Variants in CAPG observed in about 807,000 individuals in gnomAD.
The protein encoded by CAPG is macrophage-capping protein.
CAPG carries 32 observed loss-of-function variants against 44.6 expected under a neutral mutation model. The ratio of observed to expected loss-of-function variants is 0.72; its 90% confidence interval spans 0.54 to 0.96. The LOEUF (loss-of-function observed/expected upper bound fraction) is 0.96. Ranked by LOEUF, CAPG falls within the 50% of genes least tolerant of loss-of-function variation. The pLI is 0.00. For missense variants in CAPG, 412 were observed against 438.3 expected (o/e 0.94, Z 0.54); for synonymous variants, 175 against 179.6 (o/e 0.97, Z 0.20).
chr2:85,395,358 A>G lies in CAPG; in HGVS notation c.981+180T>C, dbSNP rs565071117. On this transcript the variant is annotated intron_variant, in intron 9 of 9. Coordinates refer to ENST00000263867, the MANE Select transcript of CAPG (RefSeq NM_001747.4). This position sits in a 1 kb window ranked among gnomAD's most constrained non-coding sequence, Gnocchi z 4.3. ...CTGCCCAACATCCTCTTTGAAAATA[A>G]TAAGTATTTTGACATTTTGAAGGAT... The G allele has an allele frequency of 7.8e-5, 48 of 615,640 alleles. No homozygotes were observed. The African/African-American group carries it at 7.9e-4, about 10-fold the overall frequency. The allele number at this position is 615,640 out of a possible 1,614,324, so 38.1% of individuals were successfully genotyped here. A position where few individuals can be genotyped will look rare whatever the true frequency, so the allele number is the denominator to read the frequency against.
intron 2 of CAPG, 80 bp from the exon 3 acceptor site, chr2:85,402,037 C>A: frequency 6.2e-7 from 1 of 1,610,956 alleles, no homozygotes; most frequent in Non-Finnish European, 8.5e-7. Context: ...CGACTGCAGT[C>A]TGGGGATGAG....
At chr2:85,412,086 T>C (rs1253652672), upstream of CAPG, among the ~76,000 whole-genome samples, 1 of 149,012 alleles carries the variant, frequency 6.7e-6, no homozygotes, top group Non-Finnish European at 1.5e-5. Flanking sequence ...CAATACTGGA[T>C]GAATGTTTCT....
At chr2:85,408,439 A>G (rs777667261) in intron 1 of CAPG, among the ~76,000 whole-genome samples, 6 of 151,660 alleles carry the variant, frequency 4.0e-5, no homozygotes, top group Non-Finnish European at 8.8e-5. Flanking sequence ...AACTTCCAGG[A>G]CATTAAGTGG....
intron 1 of CAPG, among the ~76,000 whole-genome samples, chr2:85,415,634 C>A (rs1443533012): frequency 6.6e-6 from 1 of 152,140 alleles, no homozygotes; most frequent in Non-Finnish European, 1.5e-5. Flanking sequence ...GCATAGCGCC[C>A]AGCAGGTAAT....
chr2:85,391,734 A>G (rs144303912), downstream of CAPG: 1 of 152,746 alleles, frequency 6.5e-6, no homozygotes, highest in African/African-American at 2.4e-5. Flanking sequence ...TTTTCAAATA[A>G]AAGAATTGTT....
exon 1 of CAPG, chr2:85,418,394 C>G (rs1214337779): frequency 6.6e-6 from 1 of 152,256 alleles, no homozygotes; most frequent in East Asian, 1.9e-4. Context: ...ACGAGAAAAA[C>G]GAGGACGCAG....
At chr2:85,394,020 C>A (rs376315720), downstream of CAPG, among the ~76,000 whole-genome samples, 34 of 152,358 alleles carry the variant, frequency 2.2e-4, no homozygotes, top group African/African-American at 7.5e-4. Context: ...GTGGTTGCAG[C>A]CTTGCCAGGC....
At chr2:85,416,233 A>G (rs1687549385) in intron 1 of CAPG, among the ~76,000 whole-genome samples, 1 of 152,060 alleles carries the variant, frequency 6.6e-6, no homozygotes, top group Non-Finnish European at 1.5e-5. Flanking sequence ...AACTCGGGGT[A>G]TGGACTCATT....
Position 85,408,338 on chromosome 2 carries a change from T to TCACACACACACACACACA in CAPG, c.-14+1961_-14+1978dup, listed in dbSNP as rs71390065. ...GCCTGGGCAACAGAGGAAGAATCTG[T>TCACACACACACACACACA]CACACACACACACACACACACACAC... On this transcript the variant is annotated intron_variant, in intron 1 of 9. Coordinates refer to ENST00000263867, the MANE Select transcript of CAPG (RefSeq NM_001747.4). Among the ~76,000 whole-genome samples the TCACACACACACACACACA allele has an allele frequency of 2.5e-3, 326 of 129,560 alleles. 2 individuals are homozygous for TCACACACACACACACACA. Among genetic ancestry groups the TCACACACACACACACACA allele is most frequent in the African/African-American group, 3.1e-3 (101 of 33,016 alleles). 85.0% of individuals were successfully genotyped at this position (129,560 alleles called of 152,430 possible). A position where few individuals can be genotyped will look rare whatever the true frequency, so the allele number is the denominator to read the frequency against.
intron 1 of CAPG, among the ~76,000 whole-genome samples, chr2:85,417,212 T>A (rs1687573187): frequency 6.6e-6 from 1 of 152,232 alleles, no homozygotes. Context: ...TGCCACTATA[T>A]GCCAGGTGCT....
At chr2:85,411,572 C>T (rs982669515), upstream of CAPG, among the ~76,000 whole-genome samples, 2 of 152,178 alleles carry the variant, frequency 1.3e-5, no homozygotes, top group African/African-American at 2.4e-5. Flanking sequence ...GCCACACAAG[C>T]GTAGTTCCTC....
chr2:85,400,851 C>G (rs935278452), intron 5 of CAPG, among the ~76,000 whole-genome samples: 1 of 152,112 alleles, frequency 6.6e-6, no homozygotes, highest in Admixed American at 6.6e-5. Context: ...TGTGCTGGCT[C>G]AGAGAGAGCA....
At chr2:85,392,925 A>G (rs1686438266), downstream of CAPG, among the ~76,000 whole-genome samples, 1 of 152,178 alleles carries the variant, frequency 6.6e-6, no homozygotes, top group Non-Finnish European at 1.5e-5. Context: ...GAGTACTCAC[A>G]GCTTCAGACC....
chr2:85,412,706 A>T (rs1156855463), upstream of CAPG, among the ~76,000 whole-genome samples: 1 of 152,130 alleles, frequency 6.6e-6, no homozygotes, highest in Non-Finnish European at 1.5e-5. Flanking sequence ...AAAAGTTTAA[A>T]AAAGAAAAAA....
At chr2:85,418,592 C>T (rs1445468233), upstream of CAPG, 1 of 151,852 alleles carries the variant, frequency 6.6e-6, no homozygotes, top group Admixed American at 6.6e-5. Context: ...CAACAGACCC[C>T]CGGACACACT....
rs1686863027 is a variant in CAPG, at chr2:85,401,163, AC to A, written c.516+1del. ...AGTGCTCAGTCTGGCCAGCCTACCC[AC>A]CTGGCCCAGGTCCAGGATGAAGCAG... On this transcript the variant is annotated splice_donor_variant, in intron 5 of 9. Coordinates refer to ENST00000263867, the MANE Select transcript of CAPG (RefSeq NM_001747.4). LOFTEE classifies it high-confidence loss of function. 6.2e-7 allele frequency: 1 copy of A among 1,613,120 alleles called. No homozygotes were observed. The highest frequency in any genetic ancestry group is 8.5e-7 in the Non-Finnish European group (1 of 1,179,386).
chr2:85,418,920 C>T (rs1329643960), upstream of CAPG: 2 of 152,438 alleles, frequency 1.3e-5, no homozygotes, highest in Admixed American at 1.3e-4. Flanking sequence ...CCGCCCTGCC[C>T]TCCCTACGAG....
At chr2:85,398,855 C>T in intron 6 of CAPG, 73 bp from the exon 7 acceptor site, 2 of 1,217,304 alleles carry the variant, frequency 1.6e-6, no homozygotes, top group Non-Finnish European at 2.3e-6. Context: ...ATGCCCAGGG[C>T]CACTGCTTCT....
rs1283512357 is a variant in CAPG, at chr2:85,394,971, CG to C, written c.982-14del. 1.2e-5 allele frequency: 19 copies of C among 1,597,030 alleles called. 1 individual carries two copies. The Admixed American group carries it at 2.0e-4, about 17-fold the overall frequency. On this transcript the variant is annotated splice_polypyrimidine_tract_variant and intron_variant, in intron 9 of 9. Coordinates refer to ENST00000263867, the MANE Select transcript of CAPG (RefSeq NM_001747.4). ...GCAGAATCTCCACCTGCAGGGACAG[CG>C]GGGGAGAAGTCTGGTTCACAAAGTT...
Sources: gnomAD v4.1 joint callset for allele counts (sites outside exome capture counted in the v4.1 genomes callset) on GRCh38, gnomAD v4.1.1 for gene constraint, Gnocchi (gnomAD v3.1) non-coding constraint, MANE v1.5 for transcripts, NCBI Gene and HGNC (gene_info 2026-07-23, HGNC 2026-07-21) for gene names.